Variants in EEF1AKMT4 observed in about 807,000 individuals in gnomAD.
EEF1AKMT4 encodes EEF1A lysine methyltransferase 4.
A neutral mutation model predicts 23.0 loss-of-function variants in EEF1AKMT4; 17 were observed. The ratio of observed to expected loss-of-function variants is 0.74; its 90% CI spans 0.51 to 1.11. The LOEUF is 1.11. Among genes scored for constraint, EEF1AKMT4 ranks in the 50% least tolerant of loss-of-function variants. The probability of loss-of-function intolerance (pLI) is 0.00; values close to 1 mark genes in which losing one functional copy is unlikely to be tolerated. For missense variants in EEF1AKMT4, 318 were observed against 333.4 expected (o/e 0.95, Z 0.36); for synonymous variants, 140 against 141.4 (o/e 0.99, Z 0.07).
At chr3:184,256,756 C>T (rs887334107) in intron 1 of EEF1AKMT4, among the ~76,000 whole-genome samples, 3 of 151,656 alleles carry the variant, frequency 2.0e-5, no homozygotes, top group Non-Finnish European at 4.4e-5. Flanking sequence ...CCGCAATCTC[C>T]GCCTCCCGGG....
At chr3:184,255,390 G>C (rs1221388064) in intron 1 of EEF1AKMT4, among the ~76,000 whole-genome samples, 1 of 152,192 alleles carries the variant, frequency 6.6e-6, no homozygotes, top group African/African-American at 2.4e-5. Context: ...GGGCAGCTGG[G>C]GAGCAAGCAG....
In EEF1AKMT4 at chr3:184,257,717, C is replaced by T. The variant is rs1408818882; in HGVS notation, c.441C>T (p.Ser147=). Residue 147 remains serine, a synonymous_variant, in exon 2 of 3, where the codon TCC becomes TCT. Transcript: ENST00000324557. ...LAGERDPWTV[S]SEGVHTVDQV... ...GGGAACGAGATCCCTGGACCGTGTC[C>T]TCTGAAGGTGTCCACACTGTGGACC... 6.2e-7 allele frequency: 1 copy of T among 1,613,846 alleles called. No homozygotes were observed. Among genetic ancestry groups the T allele is most frequent in the African/African-American group, 1.3e-5 (1 of 74,934 alleles).
In EEF1AKMT4 at chr3:184,258,290, G is replaced by A; in HGVS notation, c.483G>A (p.Val161=). 6.2e-7 allele frequency: 1 copy of A among 1,608,410 alleles called. No homozygotes were observed. ...TGGCTTCTCTGTCTGCCTTGCAGGT[G>A]AGCCGCGTGCTTGTCCCTGGAGGCC... ...VHTVDQVLSE[V]SRVLVPGGRF... The change falls in exon 3 of 3, where the codon GTG becomes GTA. Residue 161 remains valine (V), a splice_region_variant and synonymous_variant. Coordinates refer to ENST00000324557, the MANE Select transcript of EEF1AKMT4 (RefSeq NM_032331.4).
chr3:184,251,820 T>TG (rs1719570544), intron 1 of EEF1AKMT4, among the ~76,000 whole-genome samples: 1 of 152,344 alleles, frequency 6.6e-6, no homozygotes, highest in Non-Finnish European at 1.5e-5. Flanking sequence ...ACAAAATACT[T>TG]GAATTTCTGT....
At chr3:184,254,612 CTG>C (rs1479568678) in intron 1 of EEF1AKMT4, among the ~76,000 whole-genome samples, 33 of 149,796 alleles carry the variant, frequency 2.2e-4, no homozygotes, top group African/African-American at 7.9e-4. Flanking sequence ...ACTCGGGAGG[CTG>C]AGGCAGGAGA....
Position 184,258,513 on chromosome 3 carries a change from A to T in EEF1AKMT4, c.706A>T (p.Thr236Ser), listed in dbSNP as rs1366323676. Reference protein sequence around the residue: ...AQILSPPRPPTSPCFLQDSDH... With the variant: ...AQILSPPRPPSSPCFLQDSDH... ...AATCCTCTCACCCCCCAGACCTCCC[A>T]CCTCACCTTGCTTCCTTCAGGACTC... The change falls in exon 3 of 3, where the codon ACC (threonine) becomes TCC (serine). Residue 236 changes from threonine (T) to serine (S), a missense_variant. Physicochemically the swap from Thr to Ser is moderately conservative, Grantham distance 58. Coordinates refer to ENST00000324557, the MANE Select transcript of EEF1AKMT4 (RefSeq NM_032331.4). 3 of 1,612,082 alleles carry T rather than the reference A, an allele frequency of 1.9e-6. No homozygotes were observed. In the African/African-American group the frequency reaches 4.0e-5, roughly 22 times the overall value.
rs1719915595 is a variant in EEF1AKMT4 at position 184,258,478 on chromosome 3, TG to T, written c.676del (p.Ala226ProfsTer72). 1.2e-6 allele frequency: 2 copies of T among 1,613,748 alleles called. No individual in the cohort carries two copies. The highest frequency in any genetic ancestry group is 1.7e-5 in the Admixed American group (1 of 59,968). ...GGKLSVAQLA[L>X]GAQILSPPRP... ...AAGCTCAGTGTGGCCCAGCTGGCTC[TG>T]GGGGCCCAAATCCTCTCACCCCCCA... On this transcript the variant is annotated frameshift_variant, in exon 3 of 3. Transcript: ENST00000324557. LOFTEE classifies it high-confidence loss of function.
intron 1 of EEF1AKMT4, 34 bp downstream of exon 1, chr3:184,249,924 G>A (rs780538604): frequency 1.3e-6 from 2 of 1,596,270 alleles, no homozygotes; most frequent in Non-Finnish European, 8.6e-7. Context: ...GCCAGGTAGA[G>A]CTGGCAGGAC....
chr3:184,251,784 G>A (rs759318589), intron 1 of EEF1AKMT4, among the ~76,000 whole-genome samples: 2 of 152,144 alleles, frequency 1.3e-5, no homozygotes, highest in Non-Finnish European at 1.5e-5. Context: ...ATCTTGGCTC[G>A]GCTTATACTG....
rs1719873951 is a variant in EEF1AKMT4 at position 184,257,644 on chromosome 3, C to G, written c.368C>G (p.Ser123Cys). The change falls in exon 2 of 3, where the codon TCT (serine) becomes TGT (cysteine). Residue 123 changes from serine (S) to cysteine (C), a missense_variant. Coordinates refer to ENST00000324557, the MANE Select transcript of EEF1AKMT4 (RefSeq NM_032331.4). ...CGGAAGCTGGACTTCCCCAGTGCTT[C>G]TTTTGATGTGGTGCTCGAGAAGGGC... ...DVRKLDFPSA[S>C]FDVVLEKGTL... 1 of 1,614,102 alleles carries G rather than the reference C, an allele frequency of 6.2e-7. No homozygotes were observed. Among genetic ancestry groups the G allele is most frequent in the Admixed American group, 1.7e-5 (1 of 60,006 alleles).
Position 184,257,688 on chromosome 3 carries a change from G to T in EEF1AKMT4, c.412G>T (p.Ala138Ser), listed in dbSNP as rs1394394152. The T allele has an allele frequency of 3.1e-6, 5 of 1,614,070 alleles. No individual in the cohort carries two copies. In the African/African-American group the frequency reaches 4.0e-5, roughly 13 times the overall value. ...LEKGTLDALL[A>S]GERDPWTVSS... Reference sequence around the variant, plus strand: ...GAAGGGCACGCTGGATGCCCTGCTGGCTGGGGAACGAGATCCCTGGACCGT... The same window carrying T: ...GAAGGGCACGCTGGATGCCCTGCTGTCTGGGGAACGAGATCCCTGGACCGT... Residue 138 changes from alanine (A) to serine (S), a missense_variant, in exon 2 of 3, where the codon GCT becomes TCT. By Grantham distance (99) the Ala-to-Ser change is moderately conservative. Transcript: ENST00000324557.
Position 184,258,724 on chromosome 3 carries a change from A to G in EEF1AKMT4, c.*149A>G, listed in dbSNP as rs1577120118. 1.4e-6 allele frequency: 2 copies of G among 1,411,212 alleles called. No individual in the cohort carries two copies. Among genetic ancestry groups the G allele is most frequent in the Non-Finnish European group, 1.8e-6 (2 of 1,087,168 alleles). 87.4% of individuals were successfully genotyped at this position (1,411,212 alleles called of 1,614,324 possible). On this transcript the variant is annotated 3_prime_UTR_variant, in exon 3 of 3. Coordinates refer to ENST00000324557, the MANE Select transcript of EEF1AKMT4 (RefSeq NM_032331.4). ...AGATAGAGGGTGGGAGCGAACCCAC[A>G]TGAACCAATACAGCCCAGCTCCAAC...
rs370805575 is a variant in EEF1AKMT4, at chr3:184,257,520, C to T, written c.244C>T (p.Pro82Ser). The T allele has an allele frequency of 6.2e-6, 10 of 1,613,810 alleles. No individual in the cohort carries two copies. The African/African-American group carries it at 6.7e-5, about 11-fold the overall frequency. Residue 82 changes from proline (P) to serine (S), a missense_variant, in exon 2 of 3, where the codon CCT becomes TCT. Physicochemically the swap from Pro to Ser is moderately conservative, Grantham distance 74. Transcript: ENST00000324557. ...CTACGAGCTGTTCCTCGGAGGCTTCCCTAATGTGACCAGTGTGGACTACTC... is the reference window on the plus strand; with the variant it reads ...CTACGAGCTGTTCCTCGGAGGCTTCTCTAATGTGACCAGTGTGGACTACTC... The part of the protein sequence containing the change: ...LSYELFLGGF[P>S]NVTSVDYSSV...
intron 1 of EEF1AKMT4, among the ~76,000 whole-genome samples, chr3:184,253,151 A>G (rs1215218886): frequency 1.3e-5 from 2 of 152,140 alleles, no homozygotes; most frequent in Admixed American, 6.6e-5. Context: ...GGTAAGAGCT[A>G]GAGGGAACAG....
rs143159008 is a variant in EEF1AKMT4 at position 184,249,720 on chromosome 3, C to A, written c.26C>A (p.Ala9Glu). 2.5e-6 allele frequency: 4 copies of A among 1,609,956 alleles called. No homozygotes were observed. In the Admixed American group the frequency reaches 5.0e-5, roughly 20 times the overall value. The stretch of plus-strand genomic sequence containing the variant: ...ATGGCCTCTCCAGGGGCAGGTAGGG[C>A]GCCTCCGGAGTTACCGGAGCGGAAC... Reference protein sequence around the residue: MASPGAGRAPPELPERNCG... With the variant: MASPGAGREPPELPERNCG... The change falls in exon 1 of 3, where the codon GCG (alanine) becomes GAG (glutamate). Residue 9 changes from alanine to glutamate, a missense_variant. Coordinates refer to ENST00000324557, the MANE Select transcript of EEF1AKMT4 (RefSeq NM_032331.4).
rs570690697 is a variant in EEF1AKMT4 at position 184,258,746 on chromosome 3, C to A, written c.*171C>A. 3.1e-6 allele frequency: 4 copies of A among 1,311,052 alleles called. No homozygotes were observed. The highest frequency in any genetic ancestry group is 3.9e-6 in the Non-Finnish European group (4 of 1,034,204). 81.2% of individuals were successfully genotyped at this position (1,311,052 alleles called of 1,614,324 possible). A position where few individuals can be genotyped will look rare whatever the true frequency, so the allele number is the denominator to read the frequency against. Reference sequence around the variant, plus strand: ...CACATGAACCAATACAGCCCAGCTCCAACTAGATCCAGATTCCAGGTTTCT... The same window carrying A: ...CACATGAACCAATACAGCCCAGCTCAAACTAGATCCAGATTCCAGGTTTCT... On this transcript the variant is annotated 3_prime_UTR_variant, in exon 3 of 3. Coordinates refer to ENST00000324557, the MANE Select transcript of EEF1AKMT4 (RefSeq NM_032331.4).
At position 184,258,447 on chromosome 3, in the gene EEF1AKMT4, G is replaced by A. The variant is rs1468531922; in HGVS notation, c.640G>A (p.Gly214Ser). 1.2e-6 allele frequency: 2 copies of A among 1,613,892 alleles called. No individual in the cohort carries two copies. Among genetic ancestry groups the A allele is most frequent in the Admixed American group, 1.7e-5 (1 of 59,996 alleles). ...FHFHLYLMHK[G>S]GKLSVAQLAL... The stretch of plus-strand genomic sequence containing the variant: ...CTTCCATCTCTACCTCATGCACAAG[G>A]GCGGGAAGCTCAGTGTGGCCCAGCT... The change falls in exon 3 of 3, where the codon GGC becomes AGC. Residue 214 changes from glycine (G) to serine (S), a missense_variant. Physicochemically the swap from Gly to Ser is moderately conservative, Grantham distance 56. Coordinates refer to ENST00000324557, the MANE Select transcript of EEF1AKMT4 (RefSeq NM_032331.4).
rs547441131 is a variant in EEF1AKMT4 at position 184,256,170 on chromosome 3, G to A, written c.197-1303G>A. On this transcript the variant is annotated intron_variant, in intron 1 of 2. Coordinates refer to ENST00000324557, the MANE Select transcript of EEF1AKMT4 (RefSeq NM_032331.4). ...GTGCCTGTAGTCCCAGCTACTTGAG[G>A]TTGAGGCAGGAGAATTGTTTGAACC... 5.3e-5 allele frequency among the ~76,000 whole-genome samples: 8 copies of A among 150,804 alleles called. No homozygotes were observed. The East Asian group carries it at 1.6e-3, about 30-fold the overall frequency.
chr3:184,256,171 T>G (rs1719789518), intron 1 of EEF1AKMT4, among the ~76,000 whole-genome samples: 1 of 149,566 alleles, frequency 6.7e-6, no homozygotes, highest in Admixed American at 6.8e-5. Context: ...CTACTTGAGG[T>G]TGAGGCAGGA....
Sources: allele counts gnomAD v4.1 joint callset (sites outside exome capture counted in the v4.1 genomes callset), GRCh38; gene constraint gnomAD v4.1.1; transcripts MANE v1.5; gene names NCBI Gene and HGNC (gene_info 2026-07-23, HGNC 2026-07-21).